SPIRE1: variants seen among roughly 807,000 people sequenced by gnomAD.
SPIRE1 encodes the protein spire type actin nucleation factor 1.
SPIRE1 carries 40 observed loss-of-function variants against 94.1 expected under a neutral mutation model. The ratio of observed to expected loss-of-function variants is 0.43; its 90% CI spans 0.33 to 0.55. The LOEUF is 0.55. Among genes scored for constraint, SPIRE1 ranks in the 20% least tolerant of loss-of-function variants. The pLI is 0.06. For missense variants in SPIRE1, 838 were observed against 975.2 expected, an observed-to-expected ratio of 0.86 and a Z score of 1.87; for synonymous variants, 376 against 371.7, an observed-to-expected ratio of 1.01 and a Z score of -0.13.
chr18:12,619,336 G>T (rs1228055071), intron 2 of SPIRE1, among the ~76,000 whole-genome samples: 4 of 151,654 alleles, frequency 2.6e-5, no homozygotes, highest in Non-Finnish European at 5.9e-5. Flanking sequence ...GTGAAACCCC[G>T]TCTCTACTAA....
At chr18:12,634,718 T>A (rs1047294846) in intron 2 of SPIRE1, among the ~76,000 whole-genome samples, 16 of 152,058 alleles carry the variant, frequency 1.1e-4, no homozygotes, top group Non-Finnish European at 2.1e-4. Flanking sequence ...GTGGATCACC[T>A]GAGGTAAGGA....
At chr18:12,550,814 T>C (rs1329077413) in intron 2 of SPIRE1, among the ~76,000 whole-genome samples, 2 of 152,214 alleles carry the variant, frequency 1.3e-5, no homozygotes, top group East Asian at 1.9e-4. Context: ...GACTGCTTAA[T>C]AGCATCCAAC....
intron 9 of SPIRE1, among the ~76,000 whole-genome samples, chr18:12,485,307 G>A (rs373227464): frequency 6.4e-4 from 98 of 152,016 alleles, no homozygotes; most frequent in African/African-American, 1.9e-3. Flanking sequence ...GGGTTTCACC[G>A]TGTTAGCCAG....
intron 8 of SPIRE1, among the ~76,000 whole-genome samples, chr18:12,492,631 T>C (rs912221791): frequency 4.6e-5 from 7 of 152,200 alleles, no homozygotes; most frequent in Non-Finnish European, 8.8e-5. Flanking sequence ...TCTTTGTATA[T>C]GCAATACAAT....
At chr18:12,582,545 G>C (rs528926038) in intron 2 of SPIRE1, among the ~76,000 whole-genome samples, 1 of 152,194 alleles carries the variant, frequency 6.6e-6, no homozygotes, top group African/African-American at 2.4e-5. Context: ...ATTAACTAAA[G>C]CAAGAGTCGC....
chr18:12,593,704 C>T (rs1331608000), intron 2 of SPIRE1, among the ~76,000 whole-genome samples: 2 of 152,114 alleles, frequency 1.3e-5, no homozygotes, highest in East Asian at 3.8e-4. Context: ...AATCCCAGCA[C>T]TTTGGGAGGC....
intron 2 of SPIRE1, among the ~76,000 whole-genome samples, chr18:12,556,586 G>A (rs2035513015): frequency 6.6e-6 from 1 of 152,154 alleles, no homozygotes; most frequent in South Asian, 2.1e-4. Context: ...GTGGGTTCAT[G>A]GTCTTGCTGG....
rs563286628 is a variant in SPIRE1, at chr18:12,559,650, C to G, written c.373-12746G>C. 1.3e-5 allele frequency among the ~76,000 whole-genome samples: 2 copies of G among 152,308 alleles called. No individual in the cohort carries two copies. Among genetic ancestry groups the G allele is most frequent in the South Asian group, 4.1e-4 (2 of 4,826 alleles). On this transcript the variant is annotated intron_variant, in intron 2 of 16. Transcript: ENST00000409402. This position sits in a 1 kb window ranked among gnomAD's most constrained non-coding sequence, Gnocchi z 4.7. ...AGCACGTTGTCACCTCTCACTACTA[C>G]AAGAAAACATTGGGGAAACTCTCCA...
chr18:12,499,113 C>A (rs1281423518), intron 6 of SPIRE1, among the ~76,000 whole-genome samples: 1 of 152,092 alleles, frequency 6.6e-6, no homozygotes, highest in Non-Finnish European at 1.5e-5. Context: ...TGACATAAGA[C>A]CACAGCTAAT....
chr18:12,485,607 T>C (rs571701615), intron 9 of SPIRE1, among the ~76,000 whole-genome samples: 1 of 152,262 alleles, frequency 6.6e-6, no homozygotes, highest in Non-Finnish European at 1.5e-5. Context: ...TTCTATGAAG[T>C]TTTTTTCTAT....
intron 12 of SPIRE1, among the ~76,000 whole-genome samples, chr18:12,457,630 C>T (rs1032314474): frequency 3.3e-5 from 5 of 151,986 alleles, no homozygotes; most frequent in Non-Finnish European, 7.4e-5. Context: ...TCTTAGAGCG[C>T]TTTAATGAAG....
intron 2 of SPIRE1, among the ~76,000 whole-genome samples, chr18:12,585,332 TTCATGATAGGAA>T (rs1170154397): frequency 6.6e-6 from 1 of 152,070 alleles, no homozygotes; most frequent in Non-Finnish European, 1.5e-5. Context: ...ACCAAAAAAC[TTCATGATAGGAA>T]GGGCCAAGAA....
chr18:12,577,113 C>T (rs2036126790), intron 2 of SPIRE1, among the ~76,000 whole-genome samples: 1 of 151,984 alleles, frequency 6.6e-6, no homozygotes, highest in Non-Finnish European at 1.5e-5. Flanking sequence ...ATAGCCCAGA[C>T]CCCTGCCTCA....
intron 12 of SPIRE1, among the ~76,000 whole-genome samples, chr18:12,461,412 GTA>G (rs1486063981): frequency 1.4e-4 from 8 of 56,798 alleles, no homozygotes; most frequent in Middle Eastern, 0.021. Context: ...CTATACACAT[GTA>G]TGTGTGTGTG....
intron 6 of SPIRE1, among the ~76,000 whole-genome samples, chr18:12,498,860 C>T (rs536660404): frequency 7.5e-4 from 114 of 152,256 alleles, no homozygotes; most frequent in African/African-American, 2.6e-3. Flanking sequence ...CAGACTCAAG[C>T]GATCCTAGCA....
upstream of SPIRE1, chr18:12,658,501 G>A (rs538475254): frequency 6.1e-4 from 278 of 456,432 alleles, 1 homozygote; most frequent in South Asian, 1.5e-3. Context: ...CGACTCTGGC[G>A]GGGAACTGGG....
chr18:12,510,996 T>C lies in SPIRE1; in HGVS notation c.807+1458A>G, dbSNP rs138224205. ...AAACTGTAGATATTCATGTGTCACATGAATAAACCACATTATCTGTTTTAC... is the reference window on the plus strand; with the variant it reads ...AAACTGTAGATATTCATGTGTCACACGAATAAACCACATTATCTGTTTTAC... On this transcript the variant is annotated intron_variant, in intron 5 of 16. Coordinates refer to ENST00000409402, the MANE Select transcript of SPIRE1 (RefSeq NM_001128626.2). Among the ~76,000 whole-genome samples, 175 of 152,320 alleles carry C rather than the reference T, an allele frequency of 1.1e-3. 1 individual carries two copies. The highest frequency in any genetic ancestry group is 3.8e-3 in the African/African-American group (159 of 41,580).
intron 2 of SPIRE1, among the ~76,000 whole-genome samples, chr18:12,566,564 G>A (rs1040940132): frequency 6.6e-6 from 1 of 151,916 alleles, no homozygotes; most frequent in South Asian, 2.1e-4. Flanking sequence ...TATCTTATTC[G>A]GGATTATTTC....
intron 2 of SPIRE1, among the ~76,000 whole-genome samples, chr18:12,569,637 A>AC (rs1555626062): frequency 7.8e-5 from 2 of 25,726 alleles, no homozygotes; most frequent in African/African-American, 1.7e-4. Flanking sequence ...CAACAACAAC[A>AC]AAAAAAAAAA....
Sources: gnomAD v4.1 joint callset for allele counts (sites outside exome capture counted in the v4.1 genomes callset) on GRCh38, gnomAD v4.1.1 for gene constraint, Gnocchi (gnomAD v3.1) non-coding constraint, MANE v1.5 for transcripts, NCBI Gene and HGNC (gene_info 2026-07-23, HGNC 2026-07-21) for gene names.